Variants in CHRM3 observed in about 807,000 individuals in gnomAD.
CHRM3 encodes the protein cholinergic receptor muscarinic 3, also known as muscarinic acetylcholine receptor M3.
A neutral mutation model predicts 41.8 loss-of-function variants in CHRM3; 11 were observed. That is an observed-to-expected ratio of 0.26 (90% CI 0.17 to 0.44). CHRM3 has a LOEUF of 0.44. CHRM3 is among the 20% of genes least tolerant of loss of function. The probability of loss-of-function intolerance (pLI) is 1.00; values close to 1 mark genes in which losing one functional copy is unlikely to be tolerated. For missense variants in CHRM3, 571 were observed against 745.4 expected (o/e 0.77, Z 2.72); for synonymous variants, 297 against 301.4 (o/e 0.99, Z 0.15).
intron 2 of CHRM3, among the ~76,000 whole-genome samples, chr1:239,534,796 C>T (rs930585563): frequency 6.6e-6 from 1 of 152,072 alleles, no homozygotes; most frequent in Non-Finnish European, 1.5e-5. Flanking sequence ...CACATAAGAC[C>T]ATCAATAAAT....
chr1:239,528,234 C>G (rs572017601), intron 2 of CHRM3, among the ~76,000 whole-genome samples: 2 of 152,298 alleles, frequency 1.3e-5, no homozygotes, highest in South Asian at 4.2e-4. Flanking sequence ...TGAGATATGA[C>G]AAGTCTTTAG....
chr1:239,855,933 G>A (rs1428361193), intron 6 of CHRM3, among the ~76,000 whole-genome samples: 2 of 152,136 alleles, frequency 1.3e-5, no homozygotes, highest in African/African-American at 4.8e-5. Context: ...GCATATCAAT[G>A]TAACAAATTT....
At chr1:239,536,891 C>G (rs1179000246) in intron 2 of CHRM3, among the ~76,000 whole-genome samples, 1 of 152,160 alleles carries the variant, frequency 6.6e-6, no homozygotes, top group Non-Finnish European at 1.5e-5. Flanking sequence ...TATTTTGCAA[C>G]TGTTGATGTA....
At chr1:239,394,299 T>C (rs1659295055) in intron 1 of CHRM3, among the ~76,000 whole-genome samples, 1 of 152,226 alleles carries the variant, frequency 6.6e-6, no homozygotes, top group African/African-American at 2.4e-5. Context: ...CTGGTAGCTA[T>C]CTGCATTCCT....
chr1:239,908,621 G>A lies in CHRM3; in HGVS notation c.1170G>A (p.Gln390=), dbSNP rs770343934. Residue 390 remains glutamine, a synonymous_variant, in exon 7 of 7, where the codon CAG becomes CAA. Coordinates refer to ENST00000676153, the MANE Select transcript of CHRM3 (RefSeq NM_001375978.1). This position sits in a 1 kb window ranked among gnomAD's most constrained non-coding sequence, Gnocchi z 7.2. ...AGTTACCCTCATCGGACAACCTGCAGGTGCCTGAGGAGGAGCTGGGGATGG... is the reference window on the plus strand; with the variant it reads ...AGTTACCCTCATCGGACAACCTGCAAGTGCCTGAGGAGGAGCTGGGGATGG... ...STKLPSSDNL[Q]VPEEELGMVD... 1 of 1,609,530 alleles carries A rather than the reference G, an allele frequency of 6.2e-7. No homozygotes were observed. Among genetic ancestry groups the A allele is most frequent in the Admixed American group, 1.7e-5 (1 of 59,404 alleles).
chr1:239,868,102 C>T (rs955797549), intron 6 of CHRM3, among the ~76,000 whole-genome samples: 5 of 152,198 alleles, frequency 3.3e-5, no homozygotes, highest in African/African-American at 1.2e-4. Context: ...GAATCGCACA[C>T]ACTGTAAAGA....
At chr1:239,688,097 G>T (rs1282051645) in intron 5 of CHRM3, among the ~76,000 whole-genome samples, 1 of 151,512 alleles carries the variant, frequency 6.6e-6, no homozygotes. Context: ...TGGGAGTTTT[G>T]ATACTTTGTT....
chr1:239,544,781 A>G (rs1382802893), intron 2 of CHRM3, among the ~76,000 whole-genome samples: 1 of 152,226 alleles, frequency 6.6e-6, no homozygotes, highest in Non-Finnish European at 1.5e-5. Context: ...TTAGAGAACT[A>G]TATGGGAGAC....
chr1:239,797,282 A>G (rs1278290510), intron 5 of CHRM3, among the ~76,000 whole-genome samples: 1 of 152,146 alleles, frequency 6.6e-6, no homozygotes, highest in Non-Finnish European at 1.5e-5. Flanking sequence ...AGTTCCATAG[A>G]AGCCCAAAAC....
intron 5 of CHRM3, among the ~76,000 whole-genome samples, chr1:239,716,974 G>T (rs559429456): frequency 4.0e-5 from 6 of 151,750 alleles, no homozygotes; most frequent in African/African-American, 9.7e-5. Context: ...ATAGTTATGA[G>T]ATGACATATT....
chr1:239,638,728 A>G (rs1047210518), intron 4 of CHRM3, among the ~76,000 whole-genome samples: 7 of 152,060 alleles, frequency 4.6e-5, no homozygotes, highest in African/African-American at 1.7e-4. Context: ...GTTCACTCTG[A>G]TGGTAGTTTC....
rs573992672 is a variant in CHRM3 at position 239,578,168 on chromosome 1, T to C, written c.-313+32419T>C. The stretch of plus-strand genomic sequence containing the variant: ...CACAGACCATTGTCTCTATAGAAGG[T>C]CAGTTAGGTCAGTCAGTCAGTTTTG... On this transcript the variant is annotated intron_variant, in intron 3 of 6. Coordinates refer to ENST00000676153, the MANE Select transcript of CHRM3 (RefSeq NM_001375978.1). Among the ~76,000 whole-genome samples, 9 of 152,268 alleles carry C rather than the reference T, an allele frequency of 5.9e-5. No individual in the cohort carries two copies. The East Asian group carries it at 1.5e-3, about 26-fold the overall frequency.
chr1:239,672,839 A>T (rs1186457792), intron 4 of CHRM3, among the ~76,000 whole-genome samples: 1 of 152,038 alleles, frequency 6.6e-6, no homozygotes, highest in Admixed American at 6.6e-5. Flanking sequence ...GTTTTCTAAG[A>T]ACTGTTAACC....
chr1:239,863,641 T>C (rs1022379653), intron 6 of CHRM3, among the ~76,000 whole-genome samples: 2 of 152,138 alleles, frequency 1.3e-5, no homozygotes, highest in African/African-American at 4.8e-5. Flanking sequence ...AGAGGAATTC[T>C]ACCAAATCTT....
At chr1:239,869,779 G>A (rs562122771) in intron 6 of CHRM3, among the ~76,000 whole-genome samples, 20 of 152,274 alleles carry the variant, frequency 1.3e-4, no homozygotes, top group South Asian at 6.2e-4. Context: ...GAGAAGCTGC[G>A]TCTAAATTTC....
chr1:239,426,555 G>A (rs1327653509), intron 1 of CHRM3, among the ~76,000 whole-genome samples: 1 of 151,674 alleles, frequency 6.6e-6, no homozygotes, highest in Non-Finnish European at 1.5e-5. Flanking sequence ...TTAAACATGA[G>A]TGTGTGAGCA....
At chr1:239,485,446 C>T (rs1405415956) in intron 1 of CHRM3, among the ~76,000 whole-genome samples, 2 of 152,114 alleles carry the variant, frequency 1.3e-5, no homozygotes, top group Non-Finnish European at 2.9e-5. Flanking sequence ...CACCACCTGG[C>T]TAATTTTTTA....
rs1461299102 is a variant in CHRM3 at position 239,691,991 on chromosome 1, G to T, written c.-147+13703G>T. ...GGGGATGATCTCAAAATGAATTAGC[G>T]ATTTTAAATGTCACCAGTGTCTTAC... is the stretch of plus-strand genomic sequence containing the variant. On this transcript the variant is annotated intron_variant, in intron 5 of 6. Coordinates refer to ENST00000676153, the MANE Select transcript of CHRM3 (RefSeq NM_001375978.1). Among the ~76,000 whole-genome samples the T allele has an allele frequency of 2.0e-5, 3 of 152,154 alleles. No individual in the cohort carries two copies. The South Asian group carries it at 6.2e-4, about 32-fold the overall frequency.
At chr1:239,682,126 A>G (rs1658628778) in intron 5 of CHRM3, among the ~76,000 whole-genome samples, 2 of 152,226 alleles carry the variant, frequency 1.3e-5, no homozygotes, top group Non-Finnish European at 1.5e-5. Flanking sequence ...AGACACACAA[A>G]CATACACACA....
Sources: gnomAD v4.1 joint callset for allele counts (sites outside exome capture counted in the v4.1 genomes callset) on GRCh38, gnomAD v4.1.1 for gene constraint, Gnocchi (gnomAD v3.1) non-coding constraint, MANE v1.5 for transcripts, NCBI Gene and HGNC (gene_info 2026-07-23, HGNC 2026-07-21) for gene names.